Variants in ZFAND3 observed in about 807,000 individuals in gnomAD.
ZFAND3 encodes the protein AN1-type zinc finger protein 3.
In ZFAND3, 10 loss-of-function variants were observed where a neutral mutation model predicts 29.6. The ratio of observed to expected loss-of-function variants is 0.34; its 90% CI spans 0.21 to 0.57. The LOEUF (loss-of-function observed/expected upper bound fraction) is 0.57, where lower values mean the gene tolerates loss of function less well. ZFAND3 is among the 20% of genes least tolerant of loss of function. The pLI, the probability that ZFAND3 is intolerant of heterozygous loss-of-function variation, is 0.86. For synonymous variants in ZFAND3, 128 were observed against 112.6 expected, an observed-to-expected ratio of 1.14 and a Z score of -0.87; for missense variants, 230 against 304.5, an observed-to-expected ratio of 0.76 and a Z score of 1.82.
At chr6:38,120,651 A>G (rs1382664155) in intron 5 of ZFAND3, among the ~76,000 whole-genome samples, 1 of 152,102 alleles carries the variant, frequency 6.6e-6, no homozygotes, top group Non-Finnish European at 1.5e-5. Context: ...TCACTGTGCA[A>G]TGCTTGCTAG....
At chr6:38,125,933 GTTC>G (rs1316955870) in intron 5 of ZFAND3, among the ~76,000 whole-genome samples, 6 of 151,992 alleles carry the variant, frequency 3.9e-5, no homozygotes, top group South Asian at 2.1e-4. Flanking sequence ...TGATTTTTTA[GTTC>G]TTATTACATT....
chr6:37,964,351 G>A (rs1478814652), intron 2 of ZFAND3, among the ~76,000 whole-genome samples: 1 of 152,178 alleles, frequency 6.6e-6, no homozygotes, highest in African/African-American at 2.4e-5. Flanking sequence ...TGACCTGTGT[G>A]GCTCTTGGGG....
intron 1 of ZFAND3, among the ~76,000 whole-genome samples, chr6:37,875,723 A>G (rs2127389839): frequency 6.6e-6 from 1 of 151,664 alleles, no homozygotes; most frequent in Admixed American, 6.6e-5. Flanking sequence ...CAGTGGGGCA[A>G]TCACAGTTCA....
chr6:38,144,232 T>TATATA (rs147631639), intron 5 of ZFAND3, among the ~76,000 whole-genome samples: 1 of 48,306 alleles, frequency 2.1e-5, no homozygotes, highest in South Asian at 5.2e-4. Context: ...TATATATATA[T>TATATA]TTTTTTTTTA....
At chr6:38,076,059 CTTT>C (rs1764548164) in intron 3 of ZFAND3, among the ~76,000 whole-genome samples, 1 of 151,960 alleles carries the variant, frequency 6.6e-6, no homozygotes, top group Admixed American at 6.6e-5. Flanking sequence ...GCCTCGTTTT[CTTT>C]TTTTAAGAAA....
At chr6:38,001,373 G>A (rs1762945429) in intron 2 of ZFAND3, among the ~76,000 whole-genome samples, 1 of 152,184 alleles carries the variant, frequency 6.6e-6, no homozygotes, top group Non-Finnish European at 1.5e-5. Flanking sequence ...TGAAATCATA[G>A]TTAGGACTGG....
chr6:37,955,558 G>A (rs1762073405), intron 2 of ZFAND3, among the ~76,000 whole-genome samples: 1 of 152,188 alleles, frequency 6.6e-6, no homozygotes, highest in Non-Finnish European at 1.5e-5. Flanking sequence ...GGAAGAGAAC[G>A]GTGGGTACAA....
chr6:37,953,601 G>A (rs1233615317), intron 2 of ZFAND3, among the ~76,000 whole-genome samples: 1 of 151,634 alleles, frequency 6.6e-6, no homozygotes, highest in African/African-American at 2.4e-5. Context: ...CAGGCATGTG[G>A]CACCACACCT....
chr6:38,029,749 C>T (rs1001592323), intron 2 of ZFAND3, among the ~76,000 whole-genome samples: 9 of 152,044 alleles, frequency 5.9e-5, no homozygotes, highest in South Asian at 2.1e-4. Flanking sequence ...AAATATGAAG[C>T]GTTGGTGAGG....
chr6:37,961,812 C>A (rs1007008372), intron 2 of ZFAND3, among the ~76,000 whole-genome samples: 2 of 151,990 alleles, frequency 1.3e-5, no homozygotes, highest in Admixed American at 1.3e-4. Context: ...GGCTTGAGGT[C>A]CCCCCTAAAG....
At chr6:37,966,467 C>T (rs1251119036) in intron 2 of ZFAND3, among the ~76,000 whole-genome samples, 1 of 152,116 alleles carries the variant, frequency 6.6e-6, no homozygotes, top group Non-Finnish European at 1.5e-5. Flanking sequence ...GAGCAGACAA[C>T]GCTTAGAGAG....
At chr6:37,875,435 G>C (rs1045733229) in intron 1 of ZFAND3, among the ~76,000 whole-genome samples, 3 of 151,292 alleles carry the variant, frequency 2.0e-5, no homozygotes, top group African/African-American at 7.3e-5. Flanking sequence ...TTGCTGTTCT[G>C]TTAATTCATT....
chr6:37,928,768 T>A (rs1298003861), intron 1 of ZFAND3, among the ~76,000 whole-genome samples: 1 of 152,120 alleles, frequency 6.6e-6, no homozygotes, highest in Non-Finnish European at 1.5e-5. Context: ...CGCCCACCCC[T>A]CAGCCTTCTG....
At chr6:37,855,059 G>A (rs993236785) in intron 1 of ZFAND3, among the ~76,000 whole-genome samples, 2 of 149,124 alleles carry the variant, frequency 1.3e-5, no homozygotes, top group African/African-American at 4.9e-5. Flanking sequence ...TAATCTCTGG[G>A]TGATCCCCTC....
chr6:37,992,659 T>C (rs1336943572), intron 2 of ZFAND3, among the ~76,000 whole-genome samples: 3 of 152,204 alleles, frequency 2.0e-5, no homozygotes, highest in African/African-American at 7.2e-5. Flanking sequence ...AAAATATCAA[T>C]AATTCCATAA....
intron 5 of ZFAND3, among the ~76,000 whole-genome samples, chr6:38,148,833 T>C (rs1188918523): frequency 2.6e-5 from 4 of 152,172 alleles, no homozygotes; most frequent in African/African-American, 9.7e-5. Context: ...TGCTCAGCAT[T>C]TGGGACAAGT....
chr6:38,061,216 ACTCTGCTGTTTT>A (rs1368088070), intron 2 of ZFAND3, among the ~76,000 whole-genome samples: 7 of 152,050 alleles, frequency 4.6e-5, no homozygotes, highest in Non-Finnish European at 7.4e-5. Flanking sequence ...TTTTCTGTTT[ACTCTGCTGTTTT>A]CTCTGCTGCC....
chr6:37,954,593 T>C (rs930899633), intron 2 of ZFAND3, among the ~76,000 whole-genome samples: 8 of 152,250 alleles, frequency 5.3e-5, no homozygotes, highest in African/African-American at 1.9e-4. Context: ...TTAATGTTTG[T>C]ATCTACCAAT....
intron 2 of ZFAND3, among the ~76,000 whole-genome samples, chr6:38,001,493 C>A (rs1466840124): frequency 6.6e-6 from 1 of 152,180 alleles, no homozygotes; most frequent in African/African-American, 2.4e-5. Flanking sequence ...TTCCTAGGAT[C>A]TTTGCACAGA....
Sources: allele counts gnomAD v4.1 joint callset (sites outside exome capture counted in the v4.1 genomes callset), GRCh38; gene constraint gnomAD v4.1.1; transcripts MANE v1.5; gene names NCBI Gene and HGNC (gene_info 2026-07-23, HGNC 2026-07-21).